The following MAGI2 variants were observed in gnomAD, a reference collection of about 807,000 sequenced individuals.
The protein encoded by MAGI2 is membrane associated guanylate kinase, WW and PDZ domain containing 2, also known as membrane-associated guanylate kinase, WW and PDZ domain-containing protein 2.
In MAGI2, 35 loss-of-function variants were observed where a neutral mutation model predicts 133.3. The ratio of observed to expected loss-of-function variants is 0.26; its 90% CI spans 0.20 to 0.35. MAGI2 has a LOEUF of 0.35. Ranked by LOEUF, MAGI2 falls within the 10% of genes least tolerant of loss-of-function variation. The pLI is 1.00. For missense variants in MAGI2, 1,636 were observed against 1,863.4 expected, an observed-to-expected ratio of 0.88 and a Z score of 2.25; for synonymous variants, 729 against 710.6, an observed-to-expected ratio of 1.03 and a Z score of -0.41.
At chr7:78,660,853 G>A (rs1224259163) in intron 2 of MAGI2, among the ~76,000 whole-genome samples, 1 of 151,952 alleles carries the variant, frequency 6.6e-6, no homozygotes, top group East Asian at 1.9e-4. Flanking sequence ...TTTTCCAATT[G>A]TCTGTTCATT....
intron 11 of MAGI2, among the ~76,000 whole-genome samples, chr7:78,195,563 C>T (rs1163473764): frequency 1.3e-5 from 2 of 152,172 alleles, no homozygotes; most frequent in Non-Finnish European, 2.9e-5. Flanking sequence ...CAGTCGCTTT[C>T]CTCTCAGTTT....
chr7:78,744,549 T>C (rs1422428243), intron 2 of MAGI2, among the ~76,000 whole-genome samples: 1 of 152,202 alleles, frequency 6.6e-6, no homozygotes, highest in Admixed American at 6.5e-5. Context: ...TCTCATTTAA[T>C]TTGGTACCTT....
chr7:79,036,908 T>C (rs552110931), intron 1 of MAGI2, among the ~76,000 whole-genome samples: 4 of 152,336 alleles, frequency 2.6e-5, no homozygotes, highest in African/African-American at 9.6e-5. Context: ...AAACCATATG[T>C]AAAAATTATG....
chr7:78,878,154 A>ATAAG (rs1368096124), intron 2 of MAGI2, among the ~76,000 whole-genome samples: 14 of 152,204 alleles, frequency 9.2e-5, no homozygotes, highest in African/African-American at 3.4e-4. Context: ...TCTGTTACAG[A>ATAAG]TAAGTAATCA....
intron 1 of MAGI2, among the ~76,000 whole-genome samples, chr7:79,442,340 G>A (rs1848546530): frequency 6.6e-6 from 1 of 152,084 alleles, no homozygotes; most frequent in South Asian, 2.1e-4. Context: ...GTCACACATG[G>A]AATAGTTTAA....
chr7:78,160,185 G>C lies in MAGI2; in HGVS notation c.2685C>G (p.Asn895Lys). 6.2e-7 allele frequency: 1 copy of C among 1,612,750 alleles called. No individual in the cohort carries two copies. The change falls in exon 16 of 22, where the codon AAC becomes AAG. Residue 895 changes from asparagine to lysine, a missense_variant. Asn to Lys is a moderately conservative substitution (Grantham distance 94). This residue lies in a region of MAGI2 where 920 missense variants were observed against 1,093.5 expected (regional missense o/e 0.84). Coordinates refer to ENST00000354212, the MANE Select transcript of MAGI2 (RefSeq NM_012301.4). ...SPRSDYATYT[N>K]SNHAAPSSNA... Reference sequence around the variant, plus strand: ...TGCTACTGGGGGCAGCGTGGTTGCTGTTGGTGTAGGTTGCGTAGTCACTGC... The same window carrying C: ...TGCTACTGGGGGCAGCGTGGTTGCTCTTGGTGTAGGTTGCGTAGTCACTGC...
intron 1 of MAGI2, chr7:79,414,175 T>C (rs1053271130): frequency 6.6e-6 from 1 of 152,182 alleles, no homozygotes; most frequent in Non-Finnish European, 1.5e-5. Flanking sequence ...AAGGTCATTA[T>C]ATCTTCTGTA....
chr7:78,409,213 G>C (rs570230104), intron 6 of MAGI2, among the ~76,000 whole-genome samples: 2 of 152,044 alleles, frequency 1.3e-5, no homozygotes, highest in Admixed American at 1.3e-4. Flanking sequence ...ATGAGGACTA[G>C]GACCCTGTGT....
chr7:78,980,777 T>C (rs947226593), intron 2 of MAGI2, among the ~76,000 whole-genome samples: 7 of 151,868 alleles, frequency 4.6e-5, no homozygotes, highest in Non-Finnish European at 7.4e-5. Flanking sequence ...TTTCGTTTTT[T>C]GTTTTTTGTT....
At chr7:78,785,129 CT>C (rs1381321418) in intron 2 of MAGI2, among the ~76,000 whole-genome samples, 1 of 152,080 alleles carries the variant, frequency 6.6e-6, no homozygotes, top group African/African-American at 2.4e-5. Flanking sequence ...AGTTATCACC[CT>C]AGAGCTTTGT....
chr7:78,570,560 G>C (rs1200281517), intron 3 of MAGI2, among the ~76,000 whole-genome samples: 4 of 152,098 alleles, frequency 2.6e-5, no homozygotes, highest in Non-Finnish European at 4.4e-5. Context: ...CAGTGACAGG[G>C]GGTGGGACTA....
chr7:79,416,485 G>T (rs1427000798), intron 1 of MAGI2, among the ~76,000 whole-genome samples: 1 of 151,918 alleles, frequency 6.6e-6, no homozygotes, highest in Non-Finnish European at 1.5e-5. Context: ...GAAATTACTA[G>T]TAATTTTTAG....
chr7:79,205,763 G>A (rs562003521), intron 1 of MAGI2, among the ~76,000 whole-genome samples: 28 of 151,798 alleles, frequency 1.8e-4, no homozygotes, highest in Admixed American at 1.0e-3. Flanking sequence ...AGGGGTGTGT[G>A]TGTGTGTGTG....
chr7:79,257,955 A>G (rs554791344), intron 1 of MAGI2, among the ~76,000 whole-genome samples: 1 of 152,306 alleles, frequency 6.6e-6, no homozygotes, highest in African/African-American at 2.4e-5. Flanking sequence ...GCAAGAGAAC[A>G]TATAAGATTA....
chr7:79,060,543 T>C (rs562597310), intron 1 of MAGI2, among the ~76,000 whole-genome samples: 66 of 152,040 alleles, frequency 4.3e-4, no homozygotes, highest in Non-Finnish European at 8.5e-4. Flanking sequence ...TTTTGAAGAT[T>C]CTGTAATAGG....
intron 6 of MAGI2, among the ~76,000 whole-genome samples, chr7:78,443,484 A>G (rs1417689007): frequency 6.6e-6 from 1 of 152,184 alleles, no homozygotes; most frequent in Non-Finnish European, 1.5e-5. Flanking sequence ...GGCTTTAAAA[A>G]TGTGCCTGAA....
At chr7:78,383,654 T>C (rs982386619) in intron 6 of MAGI2, among the ~76,000 whole-genome samples, 1 of 152,146 alleles carries the variant, frequency 6.6e-6, no homozygotes, top group African/African-American at 2.4e-5. Flanking sequence ...TTTTGAGGTC[T>C]TAGTCATAAA....
chr7:78,212,517 C>T (rs1460281721), intron 10 of MAGI2, among the ~76,000 whole-genome samples: 1 of 152,204 alleles, frequency 6.6e-6, no homozygotes, highest in African/African-American at 2.4e-5. Flanking sequence ...GAAGTGGATT[C>T]TCTTCTAACA....
At chr7:79,350,931 C>A (rs1841645126) in intron 1 of MAGI2, among the ~76,000 whole-genome samples, 1 of 151,980 alleles carries the variant, frequency 6.6e-6, no homozygotes, top group South Asian at 2.1e-4. Flanking sequence ...ATGGACAAAC[C>A]AAGTTTAAAC....
Sources: allele counts gnomAD v4.1 joint callset (sites outside exome capture counted in the v4.1 genomes callset), GRCh38; gene constraint gnomAD v4.1.1; regional missense constraint gnomAD v4.1.1; transcripts MANE v1.5; gene names NCBI Gene and HGNC (gene_info 2026-07-23, HGNC 2026-07-21).